Variants in VRK2 observed in about 807,000 individuals in gnomAD.
The protein encoded by VRK2 is VRK serine/threonine kinase 2.
A neutral mutation model predicts 57.6 loss-of-function variants in VRK2; 60 were observed. The observed-to-expected ratio is 1.04, with a 90% CI of 0.85 to 1.29. The LOEUF (loss-of-function observed/expected upper bound fraction) is 1.29, where lower values mean the gene tolerates loss of function less well. VRK2 is among the 50% of genes most tolerant of loss of function. The probability of loss-of-function intolerance (pLI) is 0.00; values close to 1 mark genes in which losing one functional copy is unlikely to be tolerated. For synonymous variants in VRK2, 231 were observed against 199.2 expected (o/e 1.16, Z -1.35); for missense variants, 705 against 588.1 (o/e 1.20, Z -2.06).
At position 57,957,745 on chromosome 2, in the gene VRK2, A is replaced by AT. The variant is rs563354874; in HGVS notation, c.-439+49914dup. ...ATTTAGCTCCAAATCATGCAGGGTC[A>AT]TTTTTTTTCCAGTTCCAAATTGTGT... On this transcript the variant is annotated intron_variant, in intron 1 of 15. Coordinates refer to the VRK2 transcript ENST00000417641. Among the ~76,000 whole-genome samples the AT allele has an allele frequency of 8.3e-3, 1,263 of 151,276 alleles. 16 individuals are homozygous for AT. The highest frequency in any genetic ancestry group is 0.034 in the South Asian group (162 of 4,800).
chr2:58,097,608 A>G (rs1673338059), intron 7 of VRK2, among the ~76,000 whole-genome samples: 1 of 152,184 alleles, frequency 6.6e-6, no homozygotes, highest in Non-Finnish European at 1.5e-5. Flanking sequence ...TTAGTCAGCA[A>G]CGGACCACAT....
chr2:57,979,099 T>C (rs967548455), intron 1 of VRK2, among the ~76,000 whole-genome samples: 4 of 151,296 alleles, frequency 2.6e-5, no homozygotes, highest in Non-Finnish European at 4.4e-5. Context: ...ATGTCTTTCC[T>C]ATTGTAAATA....
chr2:58,054,562 A>C (rs141662319), intron 2 of VRK2, among the ~76,000 whole-genome samples: 1 of 152,174 alleles, frequency 6.6e-6, no homozygotes, highest in African/African-American at 2.4e-5. Context: ...TTTTCTTTAG[A>C]TAAGGAAGAA....
At chr2:58,069,308 G>T (rs951360208) in intron 2 of VRK2, among the ~76,000 whole-genome samples, 1 of 152,116 alleles carries the variant, frequency 6.6e-6, no homozygotes, top group East Asian at 1.9e-4. Context: ...CTGGGACTTG[G>T]GTATTGGTAG....
At chr2:58,033,384 G>A (rs910548566) in exon 3 of VRK2, 32 of 151,930 alleles carry the variant, frequency 2.1e-4, no homozygotes, top group Admixed American at 7.2e-4. Context: ...CAGAAAAACC[G>A]GAAGAAGTTA....
At chr2:57,932,578 T>G (rs1229566734) in intron 1 of VRK2, among the ~76,000 whole-genome samples, 1 of 152,142 alleles carries the variant, frequency 6.6e-6, no homozygotes, top group Non-Finnish European at 1.5e-5. Context: ...TTTATTAACC[T>G]TCTCTTTTTT....
intron 1 of VRK2, among the ~76,000 whole-genome samples, chr2:57,966,902 T>A (rs944128807): frequency 1.3e-5 from 2 of 152,206 alleles, no homozygotes; most frequent in African/African-American, 4.8e-5. Context: ...GTAGAATGGT[T>A]AGTAGTGAAC....
At chr2:58,054,026 A>G (rs1015651653) in intron 2 of VRK2, among the ~76,000 whole-genome samples, 2 of 152,166 alleles carry the variant, frequency 1.3e-5, no homozygotes, top group Admixed American at 6.5e-5. Context: ...ACTTACAGAC[A>G]AGAAATAAAA....
At chr2:58,003,915 C>T (rs1392968014) in intron 1 of VRK2, among the ~76,000 whole-genome samples, 1 of 152,070 alleles carries the variant, frequency 6.6e-6, no homozygotes, top group Non-Finnish European at 1.5e-5. Flanking sequence ...GTCACTGAGG[C>T]CTTCCTATAG....
intron 1 of VRK2, among the ~76,000 whole-genome samples, chr2:57,939,334 G>A (rs939248750): frequency 3.3e-5 from 5 of 151,916 alleles, no homozygotes; most frequent in African/African-American, 4.8e-5. Context: ...TATTGATCCT[G>A]CTCAAAATCA....
At chr2:58,095,288 C>T (rs1325296802) in intron 7 of VRK2, among the ~76,000 whole-genome samples, 4 of 134,514 alleles carry the variant, frequency 3.0e-5, no homozygotes, top group South Asian at 2.2e-4. Context: ...AGCGAGACTC[C>T]GTCTCAAAAA....
intron 1 of VRK2, among the ~76,000 whole-genome samples, chr2:57,932,568 T>C (rs1322704471): frequency 1.3e-5 from 2 of 152,138 alleles, no homozygotes; most frequent in Non-Finnish European, 2.9e-5. Flanking sequence ...GACTTTATAT[T>C]TTATTAACCT....
intron 2 of VRK2, among the ~76,000 whole-genome samples, chr2:58,054,470 A>G (rs187076949): frequency 1.7e-4 from 26 of 152,164 alleles, no homozygotes; most frequent in African/African-American, 5.8e-4. Context: ...TTGCCACACA[A>G]TAAAAGAATT....
rs182782298 is a variant in VRK2 at position 57,981,620 on chromosome 2, T to C, written c.-438-44045T>C. Among the ~76,000 whole-genome samples the C allele has an allele frequency of 4.1e-4, 63 of 152,360 alleles. No individual in the cohort carries two copies. In the East Asian group the frequency reaches 0.01, roughly 24 times the overall value. On this transcript the variant is annotated intron_variant, in intron 1 of 15. Coordinates refer to the VRK2 transcript ENST00000417641. ...GAGGAAGTTTTTGTGGACAATATTCTAAAATACGTTTTCCACATTGCTTGC... is the reference window on the plus strand; with the variant it reads ...GAGGAAGTTTTTGTGGACAATATTCCAAAATACGTTTTCCACATTGCTTGC...
chr2:57,941,376 C>T (rs1420624523), intron 1 of VRK2, among the ~76,000 whole-genome samples: 1 of 152,076 alleles, frequency 6.6e-6, no homozygotes, highest in East Asian at 1.9e-4. Flanking sequence ...TGGACACATA[C>T]TGTGTTTTAA....
intron 12 of VRK2, among the ~76,000 whole-genome samples, chr2:58,157,367 G>A (rs545406704): frequency 1.1e-4 from 17 of 152,126 alleles, no homozygotes; most frequent in Non-Finnish European, 1.8e-4. Flanking sequence ...GCTGTTATTT[G>A]TTGTGGGGGT....
intron 7 of VRK2, among the ~76,000 whole-genome samples, chr2:58,098,758 T>C (rs1673526057): frequency 6.6e-6 from 1 of 152,094 alleles, no homozygotes; most frequent in Non-Finnish European, 1.5e-5. Flanking sequence ...CATTAAGCAA[T>C]GCATGACTAT....
intron 2 of VRK2, among the ~76,000 whole-genome samples, chr2:58,080,210 C>G (rs1670662264): frequency 6.6e-6 from 1 of 151,858 alleles, no homozygotes; most frequent in Non-Finnish European, 1.5e-5. Context: ...TATCTATTTT[C>G]TGATTTCCAT....
At chr2:58,068,649 A>G (rs1006317291) in intron 2 of VRK2, among the ~76,000 whole-genome samples, 2 of 151,650 alleles carry the variant, frequency 1.3e-5, no homozygotes, top group African/African-American at 4.8e-5. Flanking sequence ...GGGATTCTAC[A>G]TGTTCAATGT....
Sources: gnomAD v4.1 joint callset for allele counts (sites outside exome capture counted in the v4.1 genomes callset) on GRCh38, gnomAD v4.1.1 for gene constraint, MANE v1.5 for transcripts, NCBI Gene and HGNC (gene_info 2026-07-23, HGNC 2026-07-21) for gene names.